Variants in AGBL4 observed in about 807,000 individuals in gnomAD.
The protein encoded by AGBL4 is AGBL carboxypeptidase 4.
Under a neutral mutation model 66.4 loss-of-function variants are expected in AGBL4, and 58 were observed. The ratio of observed to expected loss-of-function variants is 0.87; its 90% confidence interval spans 0.71 to 1.09. The LOEUF is 1.09. Ranked by LOEUF, AGBL4 falls within the 50% of genes least tolerant of loss-of-function variation. The pLI, the probability that AGBL4 is intolerant of heterozygous loss-of-function variation, is 0.00. For missense variants in AGBL4, 579 were observed against 631.0 expected (o/e 0.92, Z 0.88); for synonymous variants, 234 against 222.9 (o/e 1.05, Z -0.44).
At chr1:48,555,552 C>G (rs1427989743) in intron 11 of AGBL4, among the ~76,000 whole-genome samples, 1 of 152,184 alleles carries the variant, frequency 6.6e-6, no homozygotes, top group Non-Finnish European at 1.5e-5. Flanking sequence ...GAGAAAAATG[C>G]AAGCACAGAT....
chr1:49,102,754 G>A (rs944033915), intron 4 of AGBL4, among the ~76,000 whole-genome samples: 1 of 152,230 alleles, frequency 6.6e-6, no homozygotes, highest in East Asian at 1.9e-4. Flanking sequence ...GCTTAGAAAG[G>A]TTAACTGAGT....
rs576955959 is a variant in AGBL4, at chr1:49,092,285, A to C, written c.378-46485T>G. 9.8e-5 allele frequency among the ~76,000 whole-genome samples: 15 copies of C among 152,310 alleles called. No individual in the cohort carries two copies. In the East Asian group the frequency reaches 2.9e-3, roughly 29 times the overall value. On this transcript the variant is annotated intron_variant, in intron 4 of 13. Coordinates refer to ENST00000371839, the MANE Select transcript of AGBL4 (RefSeq NM_032785.4). ...AAGAGAATTCAAAATCTTAAGATAA[A>C]GGATAATGTTTTAGAGTGTGTAAAC...
intron 2 of AGBL4, among the ~76,000 whole-genome samples, chr1:49,800,241 T>C (rs1644826267): frequency 6.6e-6 from 1 of 152,206 alleles, no homozygotes; most frequent in Non-Finnish European, 1.5e-5. Flanking sequence ...TGTATGTGAT[T>C]ACAAGTACAT....
At chr1:49,530,261 AAAAAAAAAAAAC>A (rs915975055) in intron 3 of AGBL4, among the ~76,000 whole-genome samples, 3 of 138,286 alleles carry the variant, frequency 2.2e-5, no homozygotes, top group Admixed American at 2.1e-4. Flanking sequence ...AGAATTTGTA[AAAAAAAAAAAAC>A]AAAAAAAAAC....
At chr1:48,741,072 C>G (rs1288765726) in intron 6 of AGBL4, among the ~76,000 whole-genome samples, 2 of 152,108 alleles carry the variant, frequency 1.3e-5, no homozygotes, top group Non-Finnish European at 2.9e-5. Context: ...AAAAGAGGCC[C>G]CCTATAATGC....
At chr1:49,538,966 C>A (rs574770115) in intron 3 of AGBL4, among the ~76,000 whole-genome samples, 3 of 152,038 alleles carry the variant, frequency 2.0e-5, no homozygotes, top group African/African-American at 7.2e-5. Context: ...TAAAGATGTA[C>A]ACAAACGCAT....
At chr1:49,285,149 A>G (rs985081237) in intron 3 of AGBL4, among the ~76,000 whole-genome samples, 4 of 152,222 alleles carry the variant, frequency 2.6e-5, no homozygotes, top group Admixed American at 2.6e-4. Flanking sequence ...ATGTAAAAGA[A>G]CAGAGATTAT....
At chr1:48,996,028 T>C (rs1179763761) in intron 5 of AGBL4, among the ~76,000 whole-genome samples, 21 of 152,104 alleles carry the variant, frequency 1.4e-4, no homozygotes, top group South Asian at 2.1e-4. Flanking sequence ...AGTGAGTGGG[T>C]TGGGGACATA....
At chr1:49,733,074 T>A (rs1490095359) in intron 2 of AGBL4, among the ~76,000 whole-genome samples, 1 of 151,998 alleles carries the variant, frequency 6.6e-6, no homozygotes, top group Non-Finnish European at 1.5e-5. Flanking sequence ...AGAACCCCAA[T>A]AAGATTAACA....
At chr1:49,674,003 T>A (rs546932689) in intron 3 of AGBL4, among the ~76,000 whole-genome samples, 1 of 152,000 alleles carries the variant, frequency 6.6e-6, no homozygotes, top group Admixed American at 6.6e-5. Flanking sequence ...GACGAAGGAA[T>A]GGAAAAGAGT....
At chr1:48,996,665 ATTAAAG>A (rs767526972) in intron 5 of AGBL4, among the ~76,000 whole-genome samples, 4 of 152,218 alleles carry the variant, frequency 2.6e-5, no homozygotes, top group Non-Finnish European at 5.9e-5. Flanking sequence ...AATGTTGTGA[ATTAAAG>A]TTAAGAGTGG....
chr1:49,569,786 T>A (rs1047973350), intron 3 of AGBL4, among the ~76,000 whole-genome samples: 2 of 152,108 alleles, frequency 1.3e-5, no homozygotes, highest in African/African-American at 4.8e-5. Context: ...ACTCTCTATA[T>A]CCATATGTAT....
chr1:48,603,735 G>A (rs1401146717), intron 9 of AGBL4, among the ~76,000 whole-genome samples: 3 of 152,086 alleles, frequency 2.0e-5, no homozygotes, highest in Non-Finnish European at 4.4e-5. Context: ...CTCAAAGGCA[G>A]GTAGACTAGT....
At chr1:49,994,818 C>A in intron 1 of AGBL4, 1 of 304,474 alleles carries the variant, frequency 3.3e-6, no homozygotes, top group Non-Finnish European at 6.4e-6. Context: ...TGTAAGTGCC[C>A]AAAGTGCAAA....
intron 5 of AGBL4, among the ~76,000 whole-genome samples, chr1:48,956,851 A>G (rs951933505): frequency 1.3e-5 from 2 of 152,202 alleles, no homozygotes; most frequent in African/African-American, 4.8e-5. Flanking sequence ...CAAAAGGCCA[A>G]TGGCAGGACA....
chr1:49,525,247 A>T (rs576491259), intron 3 of AGBL4, among the ~76,000 whole-genome samples: 1 of 152,168 alleles, frequency 6.6e-6, no homozygotes, highest in East Asian at 1.9e-4. Context: ...AAACAAGAAA[A>T]ATCTGATAAT....
At chr1:48,941,655 G>A (rs1024463136) in intron 5 of AGBL4, among the ~76,000 whole-genome samples, 2 of 152,166 alleles carry the variant, frequency 1.3e-5, no homozygotes, top group Non-Finnish European at 2.9e-5. Flanking sequence ...AGGGTACAGT[G>A]ATGCAGAAAT....
chr1:49,660,258 A>T (rs1646242409), intron 3 of AGBL4, among the ~76,000 whole-genome samples: 1 of 152,152 alleles, frequency 6.6e-6, no homozygotes, highest in South Asian at 2.1e-4. Context: ...AATTTACAAG[A>T]AAAAAGAAAC....
chr1:49,417,477 A>G (rs1416052277), intron 3 of AGBL4, among the ~76,000 whole-genome samples: 1 of 152,094 alleles, frequency 6.6e-6, no homozygotes, highest in Non-Finnish European at 1.5e-5. Context: ...TATAAGGGAG[A>G]AGGAGATCAA....
Sources: gnomAD v4.1 joint callset for allele counts (sites outside exome capture counted in the v4.1 genomes callset) on GRCh38, gnomAD v4.1.1 for gene constraint, MANE v1.5 for transcripts, NCBI Gene and HGNC (gene_info 2026-07-23, HGNC 2026-07-21) for gene names.